MRAS: variants seen among roughly 807,000 people sequenced by gnomAD.
The protein encoded by MRAS is muscle RAS oncogene homolog.
In MRAS, 4 loss-of-function variants were observed where a neutral mutation model predicts 20.9. The ratio of observed to expected loss-of-function variants is 0.19; its 90% confidence interval spans 0.09 to 0.44. MRAS has a LOEUF of 0.44. Among genes scored for constraint, MRAS ranks in the 20% least tolerant of loss-of-function variants. The probability of loss-of-function intolerance (pLI) is 0.99; values close to 1 mark genes in which losing one functional copy is unlikely to be tolerated. For synonymous variants in MRAS, 98 were observed against 102.9 expected (o/e 0.95, Z 0.29); for missense variants, 154 against 277.5 (o/e 0.56, Z 3.16).
chr3:138,363,981 G>A (rs1437389661), intron 1 of MRAS, among the ~76,000 whole-genome samples: 3 of 152,114 alleles, frequency 2.0e-5, no homozygotes, highest in Non-Finnish European at 2.9e-5. Flanking sequence ...AGCAACTCCT[G>A]AATACTGGAG....
chr3:138,373,111 A>T (rs750853863), intron 2 of MRAS, 35 bp downstream of exon 2: 1 of 1,401,370 alleles, frequency 7.1e-7, no homozygotes, highest in Admixed American at 3.0e-5. Flanking sequence ...ATTGGGTGGG[A>T]TAGTAGATGG....
chr3:138,394,562 A>G (rs1425587923), intron 2 of MRAS, among the ~76,000 whole-genome samples: 1 of 152,076 alleles, frequency 6.6e-6, no homozygotes, highest in Non-Finnish European at 1.5e-5. Flanking sequence ...GGCAACTCCC[A>G]CATCTGTATC....
At chr3:138,364,849 A>G (rs1035118658) in intron 1 of MRAS, among the ~76,000 whole-genome samples, 1 of 152,220 alleles carries the variant, frequency 6.6e-6, no homozygotes, top group Non-Finnish European at 1.5e-5. Flanking sequence ...TGACCTGCCC[A>G]GCTGTTTCAC....
intron 1 of MRAS, among the ~76,000 whole-genome samples, chr3:138,369,054 T>G (rs988575719): frequency 6.6e-6 from 1 of 152,162 alleles, no homozygotes; most frequent in Non-Finnish European, 1.5e-5. Context: ...TCTCATCTCT[T>G]AGTAGGAGAG....
intron 1 of MRAS, among the ~76,000 whole-genome samples, chr3:138,366,656 C>T (rs2054565363): frequency 6.6e-6 from 1 of 152,196 alleles, no homozygotes; most frequent in Non-Finnish European, 1.5e-5. Context: ...TAAGAAAAGC[C>T]ATGTGATGCA....
At chr3:138,389,445 G>A (rs2055083159) in intron 2 of MRAS, among the ~76,000 whole-genome samples, 1 of 150,730 alleles carries the variant, frequency 6.6e-6, no homozygotes, top group Admixed American at 6.6e-5. Flanking sequence ...GCGCTCTTGT[G>A]AGGAGGAAGG....
intron 1 of MRAS, chr3:138,350,451 C>G (rs776409197): frequency 1.3e-5 from 2 of 152,076 alleles, no homozygotes; most frequent in Non-Finnish European, 2.9e-5. Flanking sequence ...CTGCCAGCCT[C>G]TGGGGAGGGA....
At chr3:138,398,982 CAGGGATG>C (rs2055301770) in intron 4 of MRAS, among the ~76,000 whole-genome samples, 1 of 152,218 alleles carries the variant, frequency 6.6e-6, no homozygotes, top group Admixed American at 6.5e-5. Context: ...TGGGTGTGTG[CAGGGATG>C]CACGTTGTCC....
At chr3:138,398,367 C>A in intron 3 of MRAS, 102 bp from the exon 4 acceptor site, 1 of 907,004 alleles carries the variant, frequency 1.1e-6, no homozygotes, top group Non-Finnish European at 1.8e-6. Context: ...TGGGGAGGTG[C>A]TGTGGGCTGG....
chr3:138,363,892 T>A (rs2054508104), intron 1 of MRAS, among the ~76,000 whole-genome samples: 1 of 144,122 alleles, frequency 6.9e-6, no homozygotes, highest in Non-Finnish European at 1.5e-5. Context: ...CTTCTGGATT[T>A]AGAAACCAGA....
Position 138,402,297 on chromosome 3 carries a change from G to C in MRAS, c.*28G>C. On this transcript the variant is annotated 3_prime_UTR_variant, in exon 6 of 6. Transcript: ENST00000423968. ...GGCCTGAGGCCCTGGGCACAGTGACGGTGGCCTGGCCAGCCCTCGGGACCC... is the reference window on the plus strand; with the variant it reads ...GGCCTGAGGCCCTGGGCACAGTGACCGTGGCCTGGCCAGCCCTCGGGACCC... The C allele has an allele frequency of 6.3e-7, 1 of 1,594,730 alleles. No homozygotes were observed. The highest frequency in any genetic ancestry group is 1.3e-5 in the African/African-American group (1 of 74,602).
intron 2 of MRAS, among the ~76,000 whole-genome samples, chr3:138,374,939 T>C (rs182458557): frequency 8.9e-4 from 135 of 152,304 alleles, no homozygotes; most frequent in African/African-American, 3.2e-3. Flanking sequence ...TGGAGCACAG[T>C]GGCATGATCT....
intron 1 of MRAS, among the ~76,000 whole-genome samples, chr3:138,364,748 C>G (rs990376147): frequency 6.6e-6 from 1 of 152,244 alleles, no homozygotes; most frequent in Admixed American, 6.5e-5. Flanking sequence ...ATGCCCTGGT[C>G]AGCAAGCTGT....
chr3:138,377,646 G>C (rs963902888), intron 2 of MRAS, among the ~76,000 whole-genome samples: 2 of 152,160 alleles, frequency 1.3e-5, no homozygotes, highest in African/African-American at 4.8e-5. Context: ...CAGGGGTCCT[G>C]CTCCCCTGAG....
intron 2 of MRAS, among the ~76,000 whole-genome samples, chr3:138,394,915 G>A (rs980310529): frequency 4.9e-4 from 75 of 152,198 alleles, no homozygotes; most frequent in African/African-American, 1.8e-3. Flanking sequence ...AGCATGTGTT[G>A]CCTGGATTCT....
chr3:138,366,739 A>G (rs1560168094), intron 1 of MRAS, among the ~76,000 whole-genome samples: 1 of 152,246 alleles, frequency 6.6e-6, no homozygotes, highest in Non-Finnish European at 1.5e-5. Context: ...GCATCTAACC[A>G]GTCCACAGCA....
At chr3:138,361,619 G>A (rs2054449335) in intron 1 of MRAS, among the ~76,000 whole-genome samples, 1 of 152,196 alleles carries the variant, frequency 6.6e-6, no homozygotes, top group Non-Finnish European at 1.5e-5. Context: ...CTGAGCAGCG[G>A]AGCAGAACAG....
At chr3:138,387,769 G>A (rs560306182) in intron 2 of MRAS, among the ~76,000 whole-genome samples, 11 of 152,162 alleles carry the variant, frequency 7.2e-5, no homozygotes, top group African/African-American at 2.4e-4. Context: ...AGGGTTCTAG[G>A]TTCCTCTAAG....
intron 1 of MRAS, among the ~76,000 whole-genome samples, chr3:138,368,066 C>T (rs1203525399): frequency 2.6e-5 from 4 of 152,252 alleles, no homozygotes; most frequent in Admixed American, 2.0e-4. Context: ...CCAGTTCAGC[C>T]GCCCCCACGG....
Sources: allele counts gnomAD v4.1 joint callset (sites outside exome capture counted in the v4.1 genomes callset), GRCh38; gene constraint gnomAD v4.1.1; transcripts MANE v1.5; gene names NCBI Gene and HGNC (gene_info 2026-07-23, HGNC 2026-07-21).